The following CNOT6 variants were observed in gnomAD, a reference collection of about 807,000 sequenced individuals.
The protein encoded by CNOT6 is CCR4-NOT transcription complex subunit 6.
CNOT6 carries 12 observed loss-of-function variants against 61.2 expected under a neutral mutation model. That is an observed-to-expected ratio of 0.20 (90% confidence interval 0.13 to 0.32). CNOT6 has a LOEUF of 0.32. CNOT6 is among the 10% of genes least tolerant of loss of function. The pLI is 1.00. For synonymous variants in CNOT6, 225 were observed against 240.6 expected, an observed-to-expected ratio of 0.94 and a Z score of 0.60; for missense variants, 405 against 663.9, an observed-to-expected ratio of 0.61 and a Z score of 4.28.
At chr5:180,559,449 G>C (rs1292089716) in intron 4 of CNOT6, among the ~76,000 whole-genome samples, 1 of 152,028 alleles carries the variant, frequency 6.6e-6, no homozygotes, top group East Asian at 1.9e-4. Flanking sequence ...ATCAACTTTT[G>C]CATTATATAT....
chr5:180,511,898 C>T (rs970119686), intron 1 of CNOT6, among the ~76,000 whole-genome samples: 5 of 152,242 alleles, frequency 3.3e-5, no homozygotes, highest in Non-Finnish European at 7.3e-5. Context: ...CTAGGATTAC[C>T]GGCATATGCC....
At chr5:180,572,112 C>T (rs904319009) in intron 11 of CNOT6, among the ~76,000 whole-genome samples, 1 of 152,188 alleles carries the variant, frequency 6.6e-6, no homozygotes, top group African/African-American at 2.4e-5. Flanking sequence ...CCTTCTCTTA[C>T]ATTTTAATTT....
At chr5:180,539,791 G>A (rs189729031) in intron 2 of CNOT6, among the ~76,000 whole-genome samples, 40 of 151,600 alleles carry the variant, frequency 2.6e-4, no homozygotes, top group African/African-American at 8.9e-4. Flanking sequence ...GGGCTTCACC[G>A]TGTTAGCCAG....
chr5:180,537,337 G>C (rs1758750473), intron 2 of CNOT6, among the ~76,000 whole-genome samples: 2 of 152,168 alleles, frequency 1.3e-5, no homozygotes, highest in Admixed American at 1.3e-4. Flanking sequence ...TAGGTGTGTA[G>C]CAGTATCTCG....
intron 2 of CNOT6, among the ~76,000 whole-genome samples, chr5:180,548,023 C>T (rs1028585157): frequency 3.9e-5 from 6 of 152,140 alleles, no homozygotes; most frequent in South Asian, 4.1e-4. Context: ...CATGAGCCAC[C>T]GCATCCTGCC....
chr5:180,530,742 A>T (rs1401523935), intron 2 of CNOT6, among the ~76,000 whole-genome samples: 1 of 152,206 alleles, frequency 6.6e-6, no homozygotes. Flanking sequence ...GTCCCTGGGT[A>T]GTTGAGATTA....
Position 180,567,829 on chromosome 5 carries a change from G to T in CNOT6, c.873-20G>T, listed in dbSNP as rs1251088490. On this transcript the variant is annotated intron_variant, in intron 8 of 11. Transcript: ENST00000261951. ...TATTCCCAACTCTGTGTGTGTGTGTGTGTGTTGTTTTTGTTTTAGATTTAC... is the reference window on the plus strand; with the variant it reads ...TATTCCCAACTCTGTGTGTGTGTGTTTGTGTTGTTTTTGTTTTAGATTTAC... 1 of 1,613,972 alleles carries T rather than the reference G, an allele frequency of 6.2e-7. No individual in the cohort carries two copies. The highest frequency in any genetic ancestry group is 1.7e-5 in the Admixed American group (1 of 60,016).
intron 1 of CNOT6, among the ~76,000 whole-genome samples, chr5:180,504,195 T>A (rs1012055147): frequency 6.6e-6 from 1 of 152,268 alleles, no homozygotes; most frequent in Non-Finnish European, 1.5e-5. Flanking sequence ...CAGTCTGTTA[T>A]ACATCTGTAG....
intron 1 of CNOT6, among the ~76,000 whole-genome samples, chr5:180,511,656 T>G (rs1007851800): frequency 1.3e-5 from 2 of 152,040 alleles, no homozygotes; most frequent in African/African-American, 4.8e-5. Context: ...GTTCAGCTAC[T>G]TGGGAGGCTG....
chr5:180,507,501 C>G (rs1170780272), intron 1 of CNOT6, among the ~76,000 whole-genome samples: 2 of 152,298 alleles, frequency 1.3e-5, no homozygotes, highest in East Asian at 3.9e-4. Flanking sequence ...ACTCTGGAGG[C>G]TGAGTTAGGA....
At position 180,515,660 on chromosome 5, in the gene CNOT6, A is replaced by G. The variant is rs7704146; in HGVS notation, c.-2-13615A>G. 2.4e-3 allele frequency among the ~76,000 whole-genome samples: 359 copies of G among 152,230 alleles called. 1 individual carries two copies. The highest frequency in any genetic ancestry group is 7.8e-3 in the African/African-American group (322 of 41,542). On this transcript the variant is annotated intron_variant, in intron 1 of 11. Coordinates refer to ENST00000261951, the MANE Select transcript of CNOT6 (RefSeq NM_001370472.1). Reference sequence around the variant, plus strand: ...TTCAGTGGAAGTAGATTGGCATGAAAGTTAGTGTCACTGCCTTTTCATATG... The same window carrying G: ...TTCAGTGGAAGTAGATTGGCATGAAGGTTAGTGTCACTGCCTTTTCATATG...
intron 1 of CNOT6, among the ~76,000 whole-genome samples, chr5:180,528,982 G>C (rs980638675): frequency 1.3e-5 from 2 of 152,022 alleles, no homozygotes; most frequent in African/African-American, 2.4e-5. Flanking sequence ...AGGCCAAGGC[G>C]GGCGGATCAT....
intron 2 of CNOT6, among the ~76,000 whole-genome samples, chr5:180,539,548 G>GTTGTTTTTTT (rs1561648866): frequency 2.2e-5 from 1 of 45,826 alleles, no homozygotes; most frequent in African/African-American, 7.6e-5. Flanking sequence ...TACTTTTTCT[G>GTTGTTTTTTT]TTCTTTTTTT....
rs1305701783 is a variant in CNOT6, at chr5:180,533,311, C to CATATATAT, written c.112+3923_112+3924insATATATAT. On this transcript the variant is annotated intron_variant, in intron 2 of 11. Coordinates refer to ENST00000261951, the MANE Select transcript of CNOT6 (RefSeq NM_001370472.1). ...AGGAACCAGGAACCATGGATGAAAA[C>CATATATAT]CTATATATATATATATATATATATA... Among the ~76,000 whole-genome samples the CATATATAT allele has an allele frequency of 2.4e-3, 159 of 65,200 alleles. 1 individual carries two copies. Among genetic ancestry groups the CATATATAT allele is most frequent in the South Asian group, 7.5e-3 (17 of 2,272 alleles). The allele number at this position is 65,200 out of a possible 152,430, so 42.8% of individuals were successfully genotyped here.
At chr5:180,498,702 G>A (rs1459849509) in intron 1 of CNOT6, among the ~76,000 whole-genome samples, 1 of 152,236 alleles carries the variant, frequency 6.6e-6, no homozygotes, top group East Asian at 1.9e-4. Context: ...TAGCAGAGGA[G>A]CAAGGCGATT....
At chr5:180,566,133 T>A (rs1447246292) in intron 7 of CNOT6, among the ~76,000 whole-genome samples, 156 bp downstream of exon 7, 1 of 152,242 alleles carries the variant, frequency 6.6e-6, no homozygotes, top group Non-Finnish European at 1.5e-5. Context: ...CCTGCTTTGC[T>A]TTGCAGTGCT....
intron 1 of CNOT6, among the ~76,000 whole-genome samples, chr5:180,503,584 A>G (rs1756986365): frequency 7.2e-6 from 1 of 138,386 alleles, no homozygotes; most frequent in Admixed American, 7.3e-5. Context: ...ATTCTTACTG[A>G]CACTGTGCCC....
intron 1 of CNOT6, among the ~76,000 whole-genome samples, chr5:180,501,031 G>A (rs1224993708): frequency 6.6e-6 from 1 of 152,146 alleles, no homozygotes; most frequent in Non-Finnish European, 1.5e-5. Flanking sequence ...AGAGGGACAG[G>A]AAGAGTGGTC....
intron 1 of CNOT6, among the ~76,000 whole-genome samples, chr5:180,518,627 T>A (rs976056546): frequency 2.0e-5 from 3 of 152,184 alleles, no homozygotes; most frequent in East Asian, 1.9e-4. Flanking sequence ...CAGGTAGTCC[T>A]GAGCCTCAGG....
Sources: gnomAD v4.1 joint callset for allele counts (sites outside exome capture counted in the v4.1 genomes callset) on GRCh38, gnomAD v4.1.1 for gene constraint, MANE v1.5 for transcripts, NCBI Gene and HGNC (gene_info 2026-07-23, HGNC 2026-07-21) for gene names.